LRRFIP1: variants seen among roughly 807,000 people sequenced by gnomAD.
LRRFIP1 encodes the protein LRR binding FLII interacting protein 1.
LRRFIP1 carries 62 observed loss-of-function variants against 104.4 expected under a neutral mutation model. That is an observed-to-expected ratio of 0.59 (90% CI 0.48 to 0.73). The LOEUF (loss-of-function observed/expected upper bound fraction) is 0.73, where lower values mean the gene tolerates loss of function less well. LRRFIP1 is among the 30% of genes least tolerant of loss of function. The pLI is 0.00. For synonymous variants in LRRFIP1, 300 were observed against 299.0 expected (o/e 1.00, Z -0.03); for missense variants, 796 against 824.5 (o/e 0.97, Z 0.42).
intron 1 of LRRFIP1, among the ~76,000 whole-genome samples, chr2:237,707,682 G>A (rs1489784531): frequency 6.6e-6 from 1 of 152,184 alleles, no homozygotes; most frequent in Non-Finnish European, 1.5e-5. Context: ...TACGCATGCA[G>A]TTTTTAAAAT....
rs190445344 is a variant in LRRFIP1, at chr2:237,692,532, A to G, written c.97-16012A>G. 2.1e-3 allele frequency: 3,204 copies of G among 1,507,664 alleles called. 57 individuals are homozygous for G. The East Asian group carries it at 0.035, about 17-fold the overall frequency. 93.4% of individuals were successfully genotyped at this position (1,507,664 alleles called of 1,614,324 possible). A position where few individuals can be genotyped will look rare whatever the true frequency, so the allele number is the denominator to read the frequency against. On this transcript the variant is annotated intron_variant, in intron 1 of 23. Transcript: ENST00000308482. ...GAAGCGCAGAAGCTGGTAAGAGGAA[A>G]GCGCTTCCGAAACTTTCTTTCGTGA...
At chr2:237,763,554 C>T (rs765477438) in intron 19 of LRRFIP1, 4 of 1,613,142 alleles carry the variant, frequency 2.5e-6, no homozygotes, top group Non-Finnish European at 3.4e-6. Flanking sequence ...GTAAAGTCTA[C>T]TGACAGAAAG....
At chr2:237,692,334 C>G (rs963939752) in intron 1 of LRRFIP1, 1 of 1,253,510 alleles carries the variant, frequency 8.0e-7, no homozygotes, top group Non-Finnish European at 1.0e-6. Context: ...CGAGCGTTCA[C>G]TTAGCGGCGA....
intron 1 of LRRFIP1, among the ~76,000 whole-genome samples, chr2:237,629,493 A>C: frequency 7.6e-6 from 1 of 131,264 alleles, no homozygotes; most frequent in African/African-American, 2.9e-5. Context: ...TTTTTTTTTA[A>C]CACAGTCTCA....
chr2:237,639,604 C>A (rs548469053), intron 1 of LRRFIP1, among the ~76,000 whole-genome samples: 8 of 152,314 alleles, frequency 5.3e-5, no homozygotes, highest in Admixed American at 2.0e-4. Context: ...GCTTATCTGA[C>A]CTCTTAGAAG....
At chr2:237,678,696 C>CA (rs1380025117) in intron 1 of LRRFIP1, among the ~76,000 whole-genome samples, 1 of 151,932 alleles carries the variant, frequency 6.6e-6, no homozygotes, top group Non-Finnish European at 1.5e-5. Context: ...TTAGTAGAGA[C>CA]AAGGTTTCAC....
chr2:237,657,429 GA>G (rs773944828), intron 1 of LRRFIP1, among the ~76,000 whole-genome samples: 18 of 152,310 alleles, frequency 1.2e-4, no homozygotes, highest in Admixed American at 3.9e-4. Context: ...AGTCACTACT[GA>G]AACAGTCTAA....
intron 1 of LRRFIP1, among the ~76,000 whole-genome samples, chr2:237,687,078 G>A (rs900046260): frequency 1.2e-4 from 18 of 152,386 alleles, no homozygotes; most frequent in African/African-American, 3.8e-4. Flanking sequence ...GCAGCTCTGC[G>A]TCAGGCGGCG....
chr2:237,630,948 A>C (rs553343414), intron 1 of LRRFIP1, among the ~76,000 whole-genome samples: 1 of 152,224 alleles, frequency 6.6e-6, no homozygotes, highest in East Asian at 1.9e-4. Flanking sequence ...CTCCCTGGTA[A>C]ACTTTCATGA....
intron 1 of LRRFIP1, among the ~76,000 whole-genome samples, chr2:237,689,836 G>A (rs2149730620): frequency 6.6e-6 from 1 of 152,322 alleles, no homozygotes; most frequent in South Asian, 2.1e-4. Flanking sequence ...GGACTCCCAG[G>A]ACACTAGGCA....
intron 13 of LRRFIP1, among the ~76,000 whole-genome samples, chr2:237,750,786 A>G (rs1470395858): frequency 3.3e-5 from 5 of 152,192 alleles, no homozygotes; most frequent in Non-Finnish European, 7.3e-5. Context: ...GAATTTGGCA[A>G]AGTAGAGACT....
intron 1 of LRRFIP1, among the ~76,000 whole-genome samples, chr2:237,635,805 A>G (rs192684736): frequency 1.3e-5 from 2 of 152,248 alleles, no homozygotes; most frequent in East Asian, 3.9e-4. Flanking sequence ...CACAAAAAAG[A>G]AAAGAAAAAG....
At chr2:237,675,621 T>A (rs1424995861) in intron 1 of LRRFIP1, among the ~76,000 whole-genome samples, 1 of 152,222 alleles carries the variant, frequency 6.6e-6, no homozygotes, top group Non-Finnish European at 1.5e-5. Flanking sequence ...CTCCCTTTCT[T>A]TTCGAATGAA....
chr2:237,692,363 A>C (rs977286462), intron 1 of LRRFIP1: 35 of 1,297,692 alleles, frequency 2.7e-5, no homozygotes, highest in Admixed American at 4.2e-5. Flanking sequence ...GTCTCCGCGG[A>C]CAGAGCGCGC....
In LRRFIP1 at chr2:237,766,636, C is replaced by G. The variant is rs1202865866; in HGVS notation, c.1460-3307C>G. Among the ~76,000 whole-genome samples the G allele has an allele frequency of 6.6e-6, 1 of 152,194 alleles. No individual in the cohort carries two copies. The highest frequency in any genetic ancestry group is 6.5e-5 in the Admixed American group (1 of 15,280). ...CTTAATTAATAGACAGGTTTGATCA[C>G]TTTGTACATGGAAGGCACTGTGCCA... On this transcript the variant is annotated intron_variant, in intron 19 of 23. Coordinates refer to ENST00000308482, the MANE Select transcript of LRRFIP1 (RefSeq NM_001137550.2). The surrounding 1 kb of genome is among the most constrained non-coding windows in gnomAD (Gnocchi z 4.8).
intron 14 of LRRFIP1, among the ~76,000 whole-genome samples, chr2:237,753,059 A>G (rs191737423): frequency 1.7e-3 from 255 of 152,312 alleles, no homozygotes; most frequent in Middle Eastern, 6.8e-3. Context: ...CCATACTGGT[A>G]TCTCGTTTGT....
At chr2:237,699,167 C>CT (rs970705107) in intron 1 of LRRFIP1, among the ~76,000 whole-genome samples, 1 of 152,146 alleles carries the variant, frequency 6.6e-6, no homozygotes, top group Admixed American at 6.5e-5. Context: ...ACAAAGTTGA[C>CT]TAACTCTCAG....
intron 1 of LRRFIP1, among the ~76,000 whole-genome samples, chr2:237,702,860 C>A (rs1000854615): frequency 9.9e-5 from 15 of 152,102 alleles, no homozygotes; most frequent in African/African-American, 3.4e-4. Context: ...CCCCCACTAC[C>A]CAGCCTCAAC....
chr2:237,627,613 G>T lies in LRRFIP1; in HGVS notation c.-32G>T, dbSNP rs1179129807. ...GGGCGGCGCGAGCGGCTGGAGCAAC[G>T]GGCCCCGCGGCAGCTGCGGGCGACG... On this transcript the variant is annotated 5_prime_UTR_variant, in exon 1 of 24. Coordinates refer to ENST00000308482, the MANE Select transcript of LRRFIP1 (RefSeq NM_001137550.2). 2.4e-6 allele frequency: 3 copies of T among 1,233,596 alleles called. No homozygotes were observed. The Admixed American group carries it at 1.0e-4, about 43-fold the overall frequency. 76.4% of individuals were successfully genotyped at this position (1,233,596 alleles called of 1,614,324 possible).
Sources: gnomAD v4.1 joint callset for allele counts (sites outside exome capture counted in the v4.1 genomes callset) on GRCh38, gnomAD v4.1.1 for gene constraint, Gnocchi (gnomAD v3.1) non-coding constraint, MANE v1.5 for transcripts, NCBI Gene and HGNC (gene_info 2026-07-23, HGNC 2026-07-21) for gene names.